Variants in DMD observed in about 807,000 individuals in gnomAD.
DMD encodes dystrophin, also known as mutant dystrophin.
DMD carries 63 observed loss-of-function variants against 330.1 expected under a neutral mutation model. The ratio of observed to expected loss-of-function variants is 0.19; its 90% CI spans 0.16 to 0.24. DMD has a LOEUF of 0.24. Ranked by LOEUF, DMD falls within the 10% of genes least tolerant of loss-of-function variation. DMD has a pLI of 1.00. For missense variants in DMD, 3,344 were observed against 2,684.1 expected (o/e 1.25, Z -5.43); for synonymous variants, 1,223 against 959.8 (o/e 1.27, Z -5.07).
intron 2 of DMD, among the ~76,000 whole-genome samples, chrX:32,887,745 C>CAAAAAAAAAAA (rs771100080): frequency 2.5e-3 from 16 of 6,489 alleles, no homozygotes; most frequent in African/African-American, 3.1e-3. Context: ...AAGACTGTCT[C>CAAAAAAAAAAA]AAAAAAAAAA....
At chrX:32,800,678 T>C (rs2076494264) in intron 7 of DMD, among the ~76,000 whole-genome samples, 1 of 110,782 alleles carries the variant, frequency 9.0e-6, no homozygotes. Context: ...ATGTTAGGTA[T>C]TTCCCCTAAT....
chrX:32,597,417 G>C (rs746192771), intron 12 of DMD, among the ~76,000 whole-genome samples: 2 of 111,551 alleles, frequency 1.8e-5, no homozygotes, highest in South Asian at 7.5e-4. Flanking sequence ...GGTACCATGT[G>C]GGGGTTTGGG....
At position 32,345,705 on chromosome X, in the gene DMD, C is replaced by T. The variant is rs1325579; in HGVS notation, c.5586+238G>A. On this transcript the variant is annotated intron_variant, in intron 39 of 78. Transcript: ENST00000357033. ...AATGTATAAGTACTATGAATGCATT[C>T]CCATCTTTCAATTACTACTTAGAAA... Among the ~76,000 whole-genome samples the T allele has an allele frequency of 0.51, 55,149 of 108,489 alleles. 11,396 individuals are homozygous for T. Among genetic ancestry groups the T allele is most frequent in the South Asian group, 0.76 (1,909 of 2,505 alleles). 94.2% of individuals were successfully genotyped at this position (108,489 alleles called of 115,157 possible). A position where few individuals can be genotyped will look rare whatever the true frequency, so the allele number is the denominator to read the frequency against.
intron 44 of DMD, among the ~76,000 whole-genome samples, chrX:32,014,820 C>G (rs1325533673): frequency 8.9e-6 from 1 of 111,932 alleles, no homozygotes; most frequent in Admixed American, 9.5e-5. Context: ...AACGTTTAGA[C>G]CCACTTAATT....
intron 7 of DMD, among the ~76,000 whole-genome samples, chrX:32,708,698 TTTCCTAA>T (rs1013414795): frequency 1.9e-4 from 21 of 111,415 alleles, no homozygotes; most frequent in African/African-American, 6.9e-4. Flanking sequence ...AATGGCTCCA[TTTCCTAA>T]TTCCTAAGGA....
At chrX:32,218,937 GT>G (rs761409164) in intron 43 of DMD, among the ~76,000 whole-genome samples, 7 of 111,337 alleles carry the variant, frequency 6.3e-5, no homozygotes, top group East Asian at 2.8e-4. Flanking sequence ...AGTTCTAGAG[GT>G]TTTTTCCCCT....
At chrX:32,233,597 TC>T (rs1343708087) in intron 43 of DMD, among the ~76,000 whole-genome samples, 6 of 97,752 alleles carry the variant, frequency 6.1e-5, no homozygotes, top group Non-Finnish European at 1.2e-4. Flanking sequence ...AATTTCTTTT[TC>T]TTTTATTTAT....
chrX:32,945,234 A>G lies in DMD; in HGVS notation c.93+74905T>C, dbSNP rs1022677. On this transcript the variant is annotated intron_variant, in intron 2 of 78. Transcript: ENST00000357033. Reference sequence around the variant, plus strand: ...CAAATTTCATGCTAAATAAATTCACAGTAATTTCACATTTTGAACTTCTGT... The same window carrying G: ...CAAATTTCATGCTAAATAAATTCACGGTAATTTCACATTTTGAACTTCTGT... 0.01 allele frequency among the ~76,000 whole-genome samples: 1,161 copies of G among 111,634 alleles called. 49 individuals carry two copies. In the East Asian group the frequency reaches 0.17, roughly 16 times the overall value.
At chrX:31,700,019 G>C (rs7882352) in intron 52 of DMD, among the ~76,000 whole-genome samples, 47,400 of 108,877 alleles carry the variant, frequency 0.44, 8,403 homozygotes, top group African/African-American at 0.63. Context: ...AACCCTGTCT[G>C]TACTAAAAAT....
intron 27 of DMD, among the ~76,000 whole-genome samples, chrX:32,443,276 T>C: frequency 9.0e-6 from 1 of 111,315 alleles, no homozygotes; most frequent in African/African-American, 3.2e-5. Context: ...ACACAGAGTA[T>C]TCGATCTCTA....
intron 41 of DMD, among the ~76,000 whole-genome samples, chrX:32,335,485 A>T (rs1386108362): frequency 1.1e-5 from 1 of 90,423 alleles, no homozygotes; most frequent in Non-Finnish European, 2.2e-5. Flanking sequence ...TATTTATAAC[A>T]TTTATATATA....
intron 50 of DMD, among the ~76,000 whole-genome samples, chrX:31,795,922 T>A (rs1256535060): frequency 8.9e-6 from 1 of 111,782 alleles, no homozygotes; most frequent in African/African-American, 3.3e-5. Flanking sequence ...AGGAAGAATA[T>A]ATGTTAAAGT....
chrX:31,421,964 T>C (rs184647413), intron 60 of DMD, among the ~76,000 whole-genome samples: 5,707 of 68,581 alleles, frequency 0.083, 234 homozygotes, highest in Non-Finnish European at 0.1. Flanking sequence ...TATATACACA[T>C]ATATATATAC....
intron 1 of DMD, among the ~76,000 whole-genome samples, chrX:33,238,671 A>G (rs778020166): frequency 8.9e-6 from 1 of 111,863 alleles, no homozygotes; most frequent in Non-Finnish European, 1.9e-5. Context: ...TTTGCAGATA[A>G]GAAAACTGAG....
At chrX:31,492,624 C>T (rs775294124) in intron 57 of DMD, among the ~76,000 whole-genome samples, 1 of 111,565 alleles carries the variant, frequency 9.0e-6, no homozygotes, top group South Asian at 3.8e-4. Flanking sequence ...TGGAACCAAC[C>T]CAAATGCCCA....
At chrX:32,843,308 C>A (rs2080339083) in intron 4 of DMD, among the ~76,000 whole-genome samples, 1 of 112,147 alleles carries the variant, frequency 8.9e-6, no homozygotes, top group Admixed American at 9.5e-5. Context: ...CTTTGTGTAA[C>A]TTTAATATTG....
intron 62 of DMD, among the ~76,000 whole-genome samples, chrX:31,310,214 T>C (rs1424729668): frequency 9.2e-6 from 1 of 108,170 alleles, no homozygotes; most frequent in African/African-American, 3.4e-5. Context: ...TCCATATATA[T>C]ATATATATAT....
intron 16 of DMD, among the ~76,000 whole-genome samples, chrX:32,554,931 AAG>A (rs1491172703): frequency 6.9e-5 from 2 of 28,930 alleles, no homozygotes; most frequent in African/African-American, 6.1e-4. Context: ...GAAAGAAAGA[AAG>A]AAAGAAAGAG....
intron 62 of DMD, among the ~76,000 whole-genome samples, chrX:31,296,264 A>G (rs1472883558): frequency 1.8e-5 from 2 of 111,817 alleles, no homozygotes; most frequent in African/African-American, 6.5e-5. Flanking sequence ...AGTCTTTTAA[A>G]CCATACTCTA....
Sources: allele counts gnomAD v4.1 joint callset (sites outside exome capture counted in the v4.1 genomes callset), GRCh38; gene constraint gnomAD v4.1.1; transcripts MANE v1.5; gene names NCBI Gene and HGNC (gene_info 2026-07-23, HGNC 2026-07-21).